IGF1R: variants seen among roughly 807,000 people sequenced by gnomAD.
The protein encoded by IGF1R is insulin like growth factor 1 receptor.
IGF1R carries 44 observed loss-of-function variants against 144.6 expected under a neutral mutation model. The ratio of observed to expected loss-of-function variants is 0.30; its 90% CI spans 0.24 to 0.39. The LOEUF (loss-of-function observed/expected upper bound fraction) is 0.39. IGF1R is among the 10% of genes least tolerant of loss of function. The probability of loss-of-function intolerance (pLI) is 1.00; values close to 1 mark genes in which losing one functional copy is unlikely to be tolerated. For synonymous variants in IGF1R, 795 were observed against 722.8 expected (o/e 1.10, Z -1.60); for missense variants, 1,355 against 1,833.7 (o/e 0.74, Z 4.77).
intron 7 of IGF1R, among the ~76,000 whole-genome samples, chr15:98,912,029 C>T (rs1490312349): frequency 1.3e-5 from 2 of 152,190 alleles, no homozygotes; most frequent in Admixed American, 6.5e-5. Flanking sequence ...CCTGTGTGAT[C>T]ACATGACATT....
chr15:98,661,853 T>C (rs528460392), intron 1 of IGF1R, among the ~76,000 whole-genome samples: 3 of 152,166 alleles, frequency 2.0e-5, no homozygotes, highest in Non-Finnish European at 4.4e-5. Flanking sequence ...GCTTTTCTCT[T>C]TTTTTCTCCT....
chr15:98,795,457 C>T (rs894514712), intron 2 of IGF1R, among the ~76,000 whole-genome samples: 2 of 150,622 alleles, frequency 1.3e-5, no homozygotes, highest in Non-Finnish European at 3.0e-5. Context: ...CTCTGTTGCC[C>T]AGGCTGGAGT....
At chr15:98,858,883 A>G (rs979478623) in intron 2 of IGF1R, among the ~76,000 whole-genome samples, 1 of 152,210 alleles carries the variant, frequency 6.6e-6, no homozygotes, top group African/African-American at 2.4e-5. Context: ...AAGGAGTCTG[A>G]ACATGCCACA....
At chr15:98,824,402 C>T (rs1264665417) in intron 2 of IGF1R, among the ~76,000 whole-genome samples, 1 of 152,200 alleles carries the variant, frequency 6.6e-6, no homozygotes, top group African/African-American at 2.4e-5. Context: ...TTCAGCTTTT[C>T]CTTCCCTCCA....
chr15:98,878,046 C>T (rs1348973006), intron 2 of IGF1R, among the ~76,000 whole-genome samples: 1 of 152,230 alleles, frequency 6.6e-6, no homozygotes. Context: ...AGCTGTGTGG[C>T]ATTGAGCGTC....
rs758894529 is a variant in IGF1R at position 98,649,685 on chromosome 15, TGCCCGCC to T, written c.94+17_94+23del. The T allele has an allele frequency of 2.5e-6, 4 of 1,599,420 alleles. No individual in the cohort carries two copies. In the Admixed American group the frequency reaches 5.0e-5, roughly 20 times the overall value. Reference sequence around the variant, plus strand: ...CCGACGAGTGGAGAAAGTGAGTATGTGCCCGCCGCCCGCGGCCACTGCGGGAACTTTT... The same window carrying T: ...CCGACGAGTGGAGAAAGTGAGTATGTGCCCGCGGCCACTGCGGGAACTTTT... On this transcript the variant is annotated intron_variant, in intron 1 of 20. Transcript: ENST00000650285.
chr15:98,854,224 C>T, intron 2 of IGF1R, among the ~76,000 whole-genome samples: 1 of 152,136 alleles, frequency 6.6e-6, no homozygotes, highest in East Asian at 1.9e-4. Context: ...CAAAACTGGG[C>T]AAGTGATTGA....
rs3743262 is a variant in IGF1R at position 98,922,244 on chromosome 15, C to T, written c.2298C>T (p.Thr766=). ...NTTAADTYNI[T]DPEELETEYP... Reference sequence around the variant, plus strand: ...CGGCCGCAGACACCTACAACATCACCGACCCGGAAGAGCTGGAGACAGAGT... The same window carrying T: ...CGGCCGCAGACACCTACAACATCACTGACCCGGAAGAGCTGGAGACAGAGT... Residue 766 remains threonine, a synonymous_variant, in exon 11 of 21, where the codon ACC becomes ACT. Transcript: ENST00000650285. 99,069 of 1,614,086 alleles carry T rather than the reference C, an allele frequency of 0.061. 5,678 individuals are homozygous for T. The highest frequency in any genetic ancestry group is 0.33 in the East Asian group (14,900 of 44,864).
chr15:98,712,757 G>C (rs978675330), intron 2 of IGF1R, among the ~76,000 whole-genome samples: 2 of 151,474 alleles, frequency 1.3e-5, no homozygotes, highest in Non-Finnish European at 2.9e-5. Flanking sequence ...TTACAGGCCC[G>C]CACCACCACA....
At chr15:98,772,372 C>T (rs936236609) in intron 2 of IGF1R, among the ~76,000 whole-genome samples, 1 of 151,500 alleles carries the variant, frequency 6.6e-6, no homozygotes, top group Non-Finnish European at 1.5e-5. Context: ...ATAGTGTGGT[C>T]GGCTCTGTTC....
intron 2 of IGF1R, among the ~76,000 whole-genome samples, chr15:98,854,210 G>A (rs1353708051): frequency 2.0e-5 from 3 of 152,164 alleles, no homozygotes; most frequent in African/African-American, 7.2e-5. Flanking sequence ...CTCTTATGAA[G>A]TTACAAAACT....
At chr15:98,813,309 C>A (rs1489052375) in intron 2 of IGF1R, among the ~76,000 whole-genome samples, 1 of 152,074 alleles carries the variant, frequency 6.6e-6, no homozygotes, top group Non-Finnish European at 1.5e-5. Flanking sequence ...AAGGCCAGGC[C>A]CCTTACCACC....
chr15:98,963,085 AT>A lies in IGF1R; in HGVS notation c.*5645del. On this transcript the variant is annotated 3_prime_UTR_variant, in exon 21 of 21. Coordinates refer to ENST00000650285, the MANE Select transcript of IGF1R (RefSeq NM_000875.5). ...ACGAAGATCTGGTTTACAAGAACTA[AT>A]TAAATGTTTCATTGCATTTTTGTAA... is the stretch of plus-strand genomic sequence containing the variant. The A allele has an allele frequency of 4.3e-6, 1 of 233,676 alleles. No homozygotes were observed. The allele number at this position is 233,676 out of a possible 1,614,324, so 14.5% of individuals were successfully genotyped here.
At chr15:98,813,296 C>G (rs1157209066) in intron 2 of IGF1R, among the ~76,000 whole-genome samples, 1 of 152,086 alleles carries the variant, frequency 6.6e-6, no homozygotes, top group Non-Finnish European at 1.5e-5. Flanking sequence ...AATAACCAAT[C>G]CAAAGGCCAG....
At chr15:98,867,104 C>T (rs2012491265) in intron 2 of IGF1R, among the ~76,000 whole-genome samples, 1 of 150,016 alleles carries the variant, frequency 6.7e-6, no homozygotes, top group South Asian at 2.1e-4. Context: ...TTTAATCTAA[C>T]GGAGGGATTG....
At chr15:98,938,213 A>T (rs986396751) in intron 17 of IGF1R, among the ~76,000 whole-genome samples, 1 of 152,214 alleles carries the variant, frequency 6.6e-6, no homozygotes, top group Non-Finnish European at 1.5e-5. Context: ...AACCACTGTG[A>T]TACCCCATGT....
intron 2 of IGF1R, among the ~76,000 whole-genome samples, chr15:98,871,644 G>A (rs1221929111): frequency 6.6e-6 from 1 of 152,198 alleles, no homozygotes; most frequent in Non-Finnish European, 1.5e-5. Flanking sequence ...AAAGTGAAAG[G>A]TACATCTCAC....
intron 2 of IGF1R, among the ~76,000 whole-genome samples, chr15:98,864,288 C>G (rs1477044823): frequency 6.6e-6 from 1 of 152,200 alleles, no homozygotes; most frequent in East Asian, 1.9e-4. Flanking sequence ...ACATGGCAAA[C>G]AAGTTGGAGG....
chr15:98,668,621 G>A (rs1271596048), intron 1 of IGF1R, among the ~76,000 whole-genome samples: 1 of 152,182 alleles, frequency 6.6e-6, no homozygotes, highest in Non-Finnish European at 1.5e-5. Context: ...TTTTAGGACA[G>A]ATAAGTTGCT....
Sources: gnomAD v4.1 joint callset for allele counts (sites outside exome capture counted in the v4.1 genomes callset) on GRCh38, gnomAD v4.1.1 for gene constraint, MANE v1.5 for transcripts, NCBI Gene and HGNC (gene_info 2026-07-23, HGNC 2026-07-21) for gene names.